The following RBM6 variants were observed in gnomAD, a reference collection of about 807,000 sequenced individuals.
The protein encoded by RBM6 is RNA-binding protein 6.
Under a neutral mutation model 140.4 loss-of-function variants are expected in RBM6, and 23 were observed. The ratio of observed to expected loss-of-function variants is 0.16; its 90% CI spans 0.12 to 0.23. The LOEUF is 0.23. Among genes scored for constraint, RBM6 ranks in the 10% least tolerant of loss-of-function variants. The probability of loss-of-function intolerance (pLI) is 1.00; values close to 1 mark genes in which losing one functional copy is unlikely to be tolerated. For missense variants in RBM6, 1,139 were observed against 1,386.7 expected (o/e 0.82, Z 2.84); for synonymous variants, 439 against 475.6 (o/e 0.92, Z 1.00).
At chr3:49,968,769 GC>G (rs2084629986) in intron 3 of RBM6, 21 bp downstream of exon 3, 78 of 537,072 alleles carry the variant, frequency 1.5e-4, no homozygotes, top group South Asian at 7.3e-4. Flanking sequence ...GGGGTGGATT[GC>G]TTTTTTTTTT....
rs144022319 is a variant in RBM6 at position 50,035,759 on chromosome 3, T to A, written c.1558-12486T>A. On this transcript the variant is annotated intron_variant, in intron 6 of 20. Coordinates refer to ENST00000266022, the MANE Select transcript of RBM6 (RefSeq NM_005777.3). Reference sequence around the variant, plus strand: ...AGGTCTCCCTTTTTATGATTTTATTTAAAAAAATTTTTTTTTTTTGAGACA... The same window carrying A: ...AGGTCTCCCTTTTTATGATTTTATTAAAAAAAATTTTTTTTTTTTGAGACA... Among the ~76,000 whole-genome samples, 364 of 151,784 alleles carry A rather than the reference T, an allele frequency of 2.4e-3. 1 individual carries two copies. Among genetic ancestry groups the A allele is most frequent in the African/African-American group, 3.9e-3 (159 of 41,228 alleles).
At chr3:50,058,130 A>G in intron 9 of RBM6, 127 bp downstream of exon 9, 1 of 1,207,544 alleles carries the variant, frequency 8.3e-7, no homozygotes, top group Non-Finnish European at 1.1e-6. Context: ...CTGATGACAG[A>G]GGCCATTGCT....
At chr3:49,961,488 G>A (rs981720446) in intron 1 of RBM6, among the ~76,000 whole-genome samples, 6 of 150,254 alleles carry the variant, frequency 4.0e-5, no homozygotes, top group African/African-American at 1.2e-4. Flanking sequence ...CGACCCCAGA[G>A]TACACATTTT....
chr3:50,062,205 CTT>C, intron 15 of RBM6, 97 bp downstream of exon 15: 1 of 1,413,696 alleles, frequency 7.1e-7, no homozygotes, highest in East Asian at 2.5e-5. Context: ...TGTAAAGTAA[CTT>C]TAAAAATACT....
intron 8 of RBM6, 113 bp downstream of exon 8, chr3:50,054,508 C>CT (rs373305597): frequency 0.075 from 53,642 of 712,902 alleles, 11 homozygotes; most frequent in South Asian, 0.092. Context: ...ATCTACAAAC[C>CT]TTTTTTTTTT....
At chr3:49,955,832 C>G (rs560451840) in intron 1 of RBM6, among the ~76,000 whole-genome samples, 24 of 147,914 alleles carry the variant, frequency 1.6e-4, no homozygotes, top group African/African-American at 5.7e-4. Flanking sequence ...CTCTGTCTCT[C>G]TCTCTCTCTG....
chr3:50,004,501 C>T (rs2086489181), intron 6 of RBM6, among the ~76,000 whole-genome samples: 1 of 133,012 alleles, frequency 7.5e-6, no homozygotes. Context: ...TTTGTAGAGG[C>T]AGGGTTTTGC....
intron 5 of RBM6, among the ~76,000 whole-genome samples, chr3:49,997,164 C>CTT (rs1048582784): frequency 2.1e-5 from 3 of 144,792 alleles, no homozygotes; most frequent in African/African-American, 7.6e-5. Context: ...CACAGAATAC[C>CTT]TTTTTTTTTT....
chr3:49,941,577 T>G (rs891288762), intron 1 of RBM6, among the ~76,000 whole-genome samples: 30 of 138,206 alleles, frequency 2.2e-4, no homozygotes, highest in African/African-American at 8.0e-4. Context: ...GAGGCGGAGG[T>G]TGCGGTGAGC....
chr3:49,947,936 A>G (rs1480904487), intron 1 of RBM6, among the ~76,000 whole-genome samples: 3 of 152,224 alleles, frequency 2.0e-5, no homozygotes, highest in African/African-American at 7.2e-5. Context: ...TGTACTAAAA[A>G]TACCACAATT....
At chr3:49,971,986 C>T (rs562198258) in intron 3 of RBM6, 73 bp from the exon 4 acceptor site, 3 of 1,164,674 alleles carry the variant, frequency 2.6e-6, no homozygotes, top group Middle Eastern at 2.0e-4. Context: ...TCCTGAGTGG[C>T]TAAATTTCAT....
At chr3:50,002,180 C>G (rs944320329) in intron 6 of RBM6, among the ~76,000 whole-genome samples, 1 of 151,978 alleles carries the variant, frequency 6.6e-6, no homozygotes, top group East Asian at 1.9e-4. Context: ...CTCCGCCACC[C>G]GGGTTCCAGA....
At chr3:50,029,412 G>T (rs1204706889) in intron 6 of RBM6, among the ~76,000 whole-genome samples, 1 of 152,064 alleles carries the variant, frequency 6.6e-6, no homozygotes, top group Admixed American at 6.6e-5. Context: ...CAAGAGAGAG[G>T]GCAGAATCAA....
intron 1 of RBM6, among the ~76,000 whole-genome samples, chr3:49,957,665 AT>A (rs2084057702): frequency 6.6e-6 from 1 of 152,132 alleles, no homozygotes; most frequent in African/African-American, 2.4e-5. Context: ...CTGTTAAGTC[AT>A]GGATTACATC....
At chr3:49,954,272 C>T (rs1237192112) in intron 1 of RBM6, among the ~76,000 whole-genome samples, 1 of 151,666 alleles carries the variant, frequency 6.6e-6, no homozygotes, top group Non-Finnish European at 1.5e-5. Flanking sequence ...ACCCCGTCTC[C>T]ACTAAAAAAA....
chr3:50,051,720 GTAT>G (rs2089476716), intron 7 of RBM6, among the ~76,000 whole-genome samples: 2 of 152,172 alleles, frequency 1.3e-5, no homozygotes, highest in African/African-American at 4.8e-5. Context: ...GCTAATGGCG[GTAT>G]TATTCATAAT....
At chr3:49,944,370 A>T (rs1455708913) in intron 1 of RBM6, among the ~76,000 whole-genome samples, 1 of 152,046 alleles carries the variant, frequency 6.6e-6, no homozygotes, top group Non-Finnish European at 1.5e-5. Context: ...ATACATATAT[A>T]CCACATTTTG....
chr3:50,018,504 T>C, intron 6 of RBM6, among the ~76,000 whole-genome samples: 1 of 152,224 alleles, frequency 6.6e-6, no homozygotes, highest in Non-Finnish European at 1.5e-5. Flanking sequence ...ATATGCATGT[T>C]TTTGTACGGA....
rs57797585 is a variant in RBM6, at chr3:50,030,286, TAAAAAA to T, written c.1558-17937_1558-17932del. ...TGACAGAGTGAGACTCTTTTTGTCT[TAAAAAA>T]AAAAAAAAAAAAAAAAAAAAATGGT... On this transcript the variant is annotated intron_variant, in intron 6 of 20. Coordinates refer to ENST00000266022, the MANE Select transcript of RBM6 (RefSeq NM_005777.3). Among the ~76,000 whole-genome samples the T allele has an allele frequency of 9.5e-3, 982 of 103,870 alleles. 5 individuals are homozygous for T. The highest frequency in any genetic ancestry group is 0.015 in the East Asian group (57 of 3,762). The allele number at this position is 103,870 out of a possible 152,430, so 68.1% of individuals were successfully genotyped here.
Sources: gnomAD v4.1 joint callset for allele counts (sites outside exome capture counted in the v4.1 genomes callset) on GRCh38, gnomAD v4.1.1 for gene constraint, MANE v1.5 for transcripts, NCBI Gene and HGNC (gene_info 2026-07-23, HGNC 2026-07-21) for gene names.